The following FOXP2 variants were observed in gnomAD, a reference collection of about 807,000 sequenced individuals.
The protein encoded by FOXP2 is forkhead box P2.
FOXP2 carries 12 observed loss-of-function variants against 115.8 expected under a neutral mutation model. The ratio of observed to expected loss-of-function variants is 0.10; its 90% confidence interval spans 0.07 to 0.17. FOXP2 has a LOEUF of 0.17. Ranked by LOEUF, FOXP2 falls within the 10% of genes least tolerant of loss-of-function variation. FOXP2 has a pLI of 1.00. For missense variants in FOXP2, 629 were observed against 843.5 expected (o/e 0.75, Z 3.15); for synonymous variants, 328 against 297.7 (o/e 1.10, Z -1.05).
At chr7:114,608,395 A>G (rs932565103) in intron 3 of FOXP2, among the ~76,000 whole-genome samples, 3 of 152,150 alleles carry the variant, frequency 2.0e-5, no homozygotes, top group African/African-American at 7.2e-5. Flanking sequence ...TCTAAAGGCT[A>G]CCGTCTTCAT....
chr7:114,247,174 A>G (rs1293236644), intron 1 of FOXP2, among the ~76,000 whole-genome samples: 1 of 152,182 alleles, frequency 6.6e-6, no homozygotes, highest in Non-Finnish European at 1.5e-5. Flanking sequence ...GTATTCTCCT[A>G]TATCTTCCTT....
At chr7:114,663,372 A>G in intron 14 of FOXP2, 78 bp from the exon 15 acceptor site, 1 of 1,065,566 alleles carries the variant, frequency 9.4e-7, no homozygotes, top group South Asian at 1.3e-5. Flanking sequence ...GCCAGAACAT[A>G]CCTTTATAGC....
intron 1 of FOXP2, among the ~76,000 whole-genome samples, chr7:114,269,326 G>A (rs1799250): frequency 0.57 from 86,229 of 152,142 alleles, 27,076 homozygotes; most frequent in Admixed American, 0.74. Flanking sequence ...AGTATTTTGC[G>A]TTTGTAAAGA....
chr7:114,380,779 C>T (rs1446104566), intron 2 of FOXP2, among the ~76,000 whole-genome samples: 1 of 152,214 alleles, frequency 6.6e-6, no homozygotes, highest in Non-Finnish European at 1.5e-5. Context: ...ATTATTTTAA[C>T]TGCTTCAGAT....
chr7:114,109,387 A>G (rs575517581), intron 1 of FOXP2, among the ~76,000 whole-genome samples: 51 of 152,214 alleles, frequency 3.4e-4, no homozygotes, highest in African/African-American at 1.2e-3. Context: ...TCCTAATAGT[A>G]TAAATCAAAA....
chr7:114,491,333 A>G (rs1440064287), intron 2 of FOXP2, among the ~76,000 whole-genome samples: 5 of 151,832 alleles, frequency 3.3e-5, no homozygotes, highest in South Asian at 2.1e-4. Context: ...CATGTCCTTC[A>G]CCCACTTTTC....
At chr7:114,622,564 CTCTT>C (rs942689700) in intron 3 of FOXP2, among the ~76,000 whole-genome samples, 1 of 151,758 alleles carries the variant, frequency 6.6e-6, no homozygotes, top group African/African-American at 2.4e-5. Context: ...CCTTTTCTGA[CTCTT>C]TGTTTTGGAG....
At chr7:114,268,420 A>G (rs561004205) in intron 1 of FOXP2, among the ~76,000 whole-genome samples, 4 of 152,316 alleles carry the variant, frequency 2.6e-5, no homozygotes, top group African/African-American at 9.6e-5. Flanking sequence ...ATAAATTTGG[A>G]CTACAAACTC....
At chr7:114,598,869 T>C (rs182846037) in intron 3 of FOXP2, among the ~76,000 whole-genome samples, 1 of 152,228 alleles carries the variant, frequency 6.6e-6, no homozygotes, top group East Asian at 1.9e-4. Context: ...AAATAGAACA[T>C]TTACCAGCAT....
chr7:114,263,791 G>A (rs1795820680), intron 1 of FOXP2, among the ~76,000 whole-genome samples: 1 of 151,160 alleles, frequency 6.6e-6, no homozygotes, highest in Non-Finnish European at 1.5e-5. Context: ...CATTTTAAAG[G>A]AACCATAACA....
intron 2 of FOXP2, among the ~76,000 whole-genome samples, chr7:114,308,886 A>G (rs1301981694): frequency 6.6e-6 from 1 of 152,218 alleles, no homozygotes; most frequent in East Asian, 1.9e-4. Flanking sequence ...GCAGTGAAGC[A>G]TCAACAGTAG....
chr7:114,171,921 T>TG (rs1360710292), intron 1 of FOXP2, among the ~76,000 whole-genome samples: 2 of 152,098 alleles, frequency 1.3e-5, no homozygotes, highest in Non-Finnish European at 2.9e-5. Context: ...TGGATGACTT[T>TG]GGGGGGTTCA....
intron 2 of FOXP2, among the ~76,000 whole-genome samples, chr7:114,329,644 TTTTA>T (rs138684494): frequency 0.23 from 34,494 of 146,804 alleles, 4,284 homozygotes; most frequent in Non-Finnish European, 0.26. Flanking sequence ...ACTATGTAAG[TTTTA>T]TTTATTTATT....
chr7:114,447,068 C>T (rs1271230893), intron 2 of FOXP2, among the ~76,000 whole-genome samples: 1 of 151,992 alleles, frequency 6.6e-6, no homozygotes, highest in African/African-American at 2.4e-5. Context: ...TTTTAAGTGG[C>T]ACTTTAGTCT....
chr7:114,472,645 G>C, intron 2 of FOXP2, among the ~76,000 whole-genome samples: 1 of 152,146 alleles, frequency 6.6e-6, no homozygotes, highest in Non-Finnish European at 1.5e-5. Flanking sequence ...ATCGTGCCCA[G>C]CCTAGAAATT....
At chr7:114,434,197 C>G (rs1794236712) in intron 2 of FOXP2, among the ~76,000 whole-genome samples, 1 of 151,708 alleles carries the variant, frequency 6.6e-6, no homozygotes, top group Admixed American at 6.6e-5. Flanking sequence ...TTTTGAATAG[C>G]TTTCCAGGAA....
chr7:114,415,737 G>A (rs531734211), intron 1 of FOXP2, among the ~76,000 whole-genome samples: 2 of 152,044 alleles, frequency 1.3e-5, no homozygotes, highest in South Asian at 4.2e-4. Flanking sequence ...GTATGTGTCA[G>A]GGCGCAAGTT....
chr7:114,578,781 T>C (rs1042781585), intron 3 of FOXP2, among the ~76,000 whole-genome samples: 16 of 152,118 alleles, frequency 1.1e-4, no homozygotes, highest in Non-Finnish European at 1.6e-4. Context: ...TATGACATTG[T>C]TTTATTTATA....
At chr7:114,104,667 G>C (rs1791067769) in intron 1 of FOXP2, among the ~76,000 whole-genome samples, 1 of 151,898 alleles carries the variant, frequency 6.6e-6, no homozygotes, top group Non-Finnish European at 1.5e-5. Context: ...TTCACTATGT[G>C]GTAGTAAAAG....
Sources: gnomAD v4.1 joint callset for allele counts (sites outside exome capture counted in the v4.1 genomes callset) on GRCh38, gnomAD v4.1.1 for gene constraint, MANE v1.5 for transcripts, NCBI Gene and HGNC (gene_info 2026-07-23, HGNC 2026-07-21) for gene names.